TMC1: variants seen among roughly 807,000 people sequenced by gnomAD.
TMC1 encodes the protein transmembrane channel-like protein 1.
TMC1 carries 84 observed loss-of-function variants against 105.8 expected under a neutral mutation model. The ratio of observed to expected loss-of-function variants is 0.79; its 90% confidence interval spans 0.67 to 0.95. The LOEUF is 0.95. Ranked by LOEUF, TMC1 falls within the 40% of genes least tolerant of loss-of-function variation. The probability of loss-of-function intolerance (pLI) is 0.00; values close to 1 mark genes in which losing one functional copy is unlikely to be tolerated. For synonymous variants in TMC1, 315 were observed against 311.5 expected (o/e 1.01, Z -0.12); for missense variants, 817 against 914.1 (o/e 0.89, Z 1.37).
At chr9:72,677,326 T>C (rs1826218896) in intron 5 of TMC1, among the ~76,000 whole-genome samples, 1 of 152,118 alleles carries the variant, frequency 6.6e-6, no homozygotes, top group Admixed American at 6.6e-5. Flanking sequence ...TCTGTCTTGC[T>C]CAGCCTTTGG....
intron 1 of TMC1, among the ~76,000 whole-genome samples, chr9:72,542,263 C>T (rs1823691747): frequency 6.6e-6 from 1 of 152,028 alleles, no homozygotes; most frequent in Non-Finnish European, 1.5e-5. Context: ...GAGATGGAGA[C>T]CATCCTGGCT....
chr9:72,773,798 G>A (rs767087429), intron 13 of TMC1, among the ~76,000 whole-genome samples: 7 of 152,040 alleles, frequency 4.6e-5, no homozygotes, highest in African/African-American at 1.2e-4. Context: ...CTTTTATTCC[G>A]GTAACTGTGC....
At chr9:72,567,998 T>C (rs1219164398) in intron 1 of TMC1, among the ~76,000 whole-genome samples, 1 of 152,090 alleles carries the variant, frequency 6.6e-6, no homozygotes, top group Non-Finnish European at 1.5e-5. Context: ...CTGTGAGTAC[T>C]GAATTTGGGA....
At chr9:72,784,923 A>G (rs1433671247) in intron 13 of TMC1, among the ~76,000 whole-genome samples, 2 of 152,182 alleles carry the variant, frequency 1.3e-5, no homozygotes, top group African/African-American at 4.8e-5. Flanking sequence ...AGAACAATAG[A>G]CACCAGGGCC....
intron 1 of TMC1, among the ~76,000 whole-genome samples, chr9:72,555,123 C>T (rs1823908351): frequency 6.6e-6 from 1 of 151,882 alleles, no homozygotes; most frequent in African/African-American, 2.4e-5. Context: ...AAGTGATCCA[C>T]CCGCCTCGGC....
rs143224423 is a variant in TMC1 at position 72,607,425 on chromosome 9, C to T, written c.-305-8943C>T. On this transcript the variant is annotated intron_variant, in intron 2 of 23. Transcript: ENST00000297784. The stretch of plus-strand genomic sequence containing the variant: ...ACAAGGTCAGAAGATCGAGACCATC[C>T]TGGCTAACATGGTGAAACCCCGTCT... Among the ~76,000 whole-genome samples the T allele has an allele frequency of 4.1e-3, 617 of 151,656 alleles. 3 individuals carry two copies. The highest frequency in any genetic ancestry group is 0.014 in the African/African-American group (585 of 41,350).
In TMC1 at chr9:72,684,984, A is replaced by G. The variant is rs569947527; in HGVS notation, c.17-3725A>G. ...CCAACATTGACATTCTTCGTACACAAAAAAGAATCCTGAGAAGAAACACAA... is the reference window on the plus strand; with the variant it reads ...CCAACATTGACATTCTTCGTACACAGAAAAGAATCCTGAGAAGAAACACAA... On this transcript the variant is annotated intron_variant, in intron 5 of 23. Transcript: ENST00000297784. 1.3e-4 allele frequency among the ~76,000 whole-genome samples: 20 copies of G among 152,326 alleles called. No individual in the cohort carries two copies. The South Asian group carries it at 3.5e-3, about 27-fold the overall frequency.
chr9:72,732,875 G>T (rs964392471), intron 8 of TMC1, among the ~76,000 whole-genome samples: 1 of 152,212 alleles, frequency 6.6e-6, no homozygotes, highest in African/African-American at 2.4e-5. Flanking sequence ...GAAGTGAGAT[G>T]ATGGACACGA....
At chr9:72,782,221 T>A (rs1181443935) in intron 13 of TMC1, among the ~76,000 whole-genome samples, 1 of 152,170 alleles carries the variant, frequency 6.6e-6, no homozygotes, top group African/African-American at 2.4e-5. Context: ...TACGTGATCA[T>A]CTCAATAGAC....
At chr9:72,800,285 G>A (rs1828448108) in intron 17 of TMC1, among the ~76,000 whole-genome samples, 2 of 152,096 alleles carry the variant, frequency 1.3e-5, no homozygotes, top group East Asian at 1.9e-4. Flanking sequence ...TTCAGCATAC[G>A]ATTCAAGAAA....
chr9:72,594,927 G>T (rs1159845454), intron 2 of TMC1, among the ~76,000 whole-genome samples: 6 of 151,154 alleles, frequency 4.0e-5, no homozygotes, highest in Non-Finnish European at 7.4e-5. Flanking sequence ...GTGCAGTGGC[G>T]CAATCTTGGC....
chr9:72,590,373 A>G (rs967393923), intron 2 of TMC1, among the ~76,000 whole-genome samples: 14 of 152,202 alleles, frequency 9.2e-5, no homozygotes, highest in Admixed American at 6.5e-5. Flanking sequence ...GCAAAGCTCA[A>G]TCCTGGGCTA....
chr9:72,669,250 A>G (rs1319963222), intron 5 of TMC1, among the ~76,000 whole-genome samples: 4 of 152,200 alleles, frequency 2.6e-5, no homozygotes, highest in Non-Finnish European at 4.4e-5. Flanking sequence ...CGGAGGTAGC[A>G]GTGAGCTGGA....
At chr9:72,775,063 T>C (rs907719541) in intron 13 of TMC1, among the ~76,000 whole-genome samples, 3 of 152,192 alleles carry the variant, frequency 2.0e-5, no homozygotes, top group African/African-American at 7.2e-5. Context: ...AATAAAAAGA[T>C]AGAAATCCAA....
At chr9:72,758,581 T>C (rs1827706974) in intron 12 of TMC1, among the ~76,000 whole-genome samples, 2 of 152,098 alleles carry the variant, frequency 1.3e-5, no homozygotes, top group South Asian at 4.1e-4. Flanking sequence ...GTATCGTGCA[T>C]AGATGGTAGA....
At chr9:72,530,200 A>C (rs1367741488) in intron 1 of TMC1, among the ~76,000 whole-genome samples, 1 of 151,936 alleles carries the variant, frequency 6.6e-6, no homozygotes, top group Non-Finnish European at 1.5e-5. Context: ...TTTCTTTGAG[A>C]TGGAGTCTCA....
intron 8 of TMC1, among the ~76,000 whole-genome samples, chr9:72,716,857 C>A (rs1473683393): frequency 3.3e-5 from 5 of 152,180 alleles, no homozygotes; most frequent in Non-Finnish European, 5.9e-5. Context: ...CAAACGGCAG[C>A]CCAGTTTTGT....
At chr9:72,812,229 A>G (rs967090074) in intron 18 of TMC1, among the ~76,000 whole-genome samples, 10 of 152,216 alleles carry the variant, frequency 6.6e-5, no homozygotes, top group African/African-American at 2.2e-4. Flanking sequence ...GGAGTTAGCA[A>G]ATGAACTGGG....
chr9:72,689,958 T>C lies in TMC1; in HGVS notation c.64+1202T>C, dbSNP rs568946391. 3.9e-5 allele frequency among the ~76,000 whole-genome samples: 6 copies of C among 152,232 alleles called. No individual in the cohort carries two copies. The South Asian group carries it at 1.2e-3, about 32-fold the overall frequency. ...TTCAATCCACTTAAATTTAAAGTTA[T>C]TATTGATAGAGCAAGACTAACTTTT... On this transcript the variant is annotated intron_variant, in intron 6 of 23. Coordinates refer to ENST00000297784, the MANE Select transcript of TMC1 (RefSeq NM_138691.3).
Sources: allele counts gnomAD v4.1 joint callset (sites outside exome capture counted in the v4.1 genomes callset), GRCh38; gene constraint gnomAD v4.1.1; transcripts MANE v1.5; gene names NCBI Gene and HGNC (gene_info 2026-07-23, HGNC 2026-07-21).